The following LEF1 variants were observed in gnomAD, a reference collection of about 807,000 sequenced individuals.
LEF1 encodes the protein lymphoid enhancer-binding factor 1.
LEF1 carries 14 observed loss-of-function variants against 51.2 expected under a neutral mutation model. That is an observed-to-expected ratio of 0.27 (90% confidence interval 0.18 to 0.43). LEF1 has a LOEUF of 0.43. Ranked by LOEUF, LEF1 falls within the 20% of genes least tolerant of loss-of-function variation. The pLI is 1.00. For missense variants in LEF1, 386 were observed against 512.0 expected (o/e 0.75, Z 2.37); for synonymous variants, 185 against 183.2 (o/e 1.01, Z -0.08).
chr4:108,086,711 T>C (rs1377758780), intron 4 of LEF1, among the ~76,000 whole-genome samples: 2 of 152,174 alleles, frequency 1.3e-5, no homozygotes, highest in South Asian at 2.1e-4. Context: ...GGGTAACACA[T>C]AGATAAAAAC....
At chr4:108,145,930 C>T (rs972786707) in intron 3 of LEF1, among the ~76,000 whole-genome samples, 4 of 152,168 alleles carry the variant, frequency 2.6e-5, no homozygotes, top group Non-Finnish European at 5.9e-5. Context: ...GTGATGATGG[C>T]TGCACTAACT....
At chr4:108,080,624 G>T (rs1739220037) in intron 6 of LEF1, among the ~76,000 whole-genome samples, 1 of 152,230 alleles carries the variant, frequency 6.6e-6, no homozygotes, top group African/African-American at 2.4e-5. Context: ...TTGCCTGTGA[G>T]AGTTCTATCA....
intron 9 of LEF1, among the ~76,000 whole-genome samples, chr4:108,064,846 T>A (rs1737964264): frequency 6.6e-6 from 1 of 152,054 alleles, no homozygotes; most frequent in Non-Finnish European, 1.5e-5. Context: ...CTAACCAACA[T>A]ACTTAGAACC....
intron 11 of LEF1, among the ~76,000 whole-genome samples, chr4:108,054,529 T>C (rs1737200462): frequency 6.6e-6 from 1 of 152,218 alleles, no homozygotes; most frequent in South Asian, 2.1e-4. Context: ...AGGCAACACA[T>C]GCAGAAGCAT....
chr4:108,117,774 A>T (rs939390321), intron 3 of LEF1, among the ~76,000 whole-genome samples: 7 of 152,206 alleles, frequency 4.6e-5, no homozygotes, highest in African/African-American at 1.7e-4. Context: ...AGCAATGGGC[A>T]GCTCGCCAGC....
At chr4:108,087,573 C>T (rs537458248) in intron 4 of LEF1, among the ~76,000 whole-genome samples, 2 of 152,168 alleles carry the variant, frequency 1.3e-5, no homozygotes, top group South Asian at 4.2e-4. Flanking sequence ...TTGAACTGTC[C>T]TATTATTCTT....
At chr4:108,052,789 T>C (rs1450771284) in intron 11 of LEF1, among the ~76,000 whole-genome samples, 1 of 152,140 alleles carries the variant, frequency 6.6e-6, no homozygotes, top group East Asian at 1.9e-4. Context: ...GACTTGAAGG[T>C]GGTCTTGTCT....
intron 3 of LEF1, among the ~76,000 whole-genome samples, chr4:108,114,091 T>A (rs1223597641): frequency 6.6e-6 from 1 of 152,194 alleles, no homozygotes; most frequent in Non-Finnish European, 1.5e-5. Context: ...AAGCTATTCT[T>A]TTCATTGCAG....
intron 3 of LEF1, among the ~76,000 whole-genome samples, chr4:108,135,347 C>G (rs564201752): frequency 4.3e-4 from 65 of 152,316 alleles, no homozygotes; most frequent in Non-Finnish European, 8.5e-4. Flanking sequence ...GGGGCCACAA[C>G]AGCAAACGTT....
At chr4:108,108,754 C>T (rs1426324429) in intron 3 of LEF1, among the ~76,000 whole-genome samples, 2 of 152,146 alleles carry the variant, frequency 1.3e-5, no homozygotes, top group African/African-American at 4.8e-5. Context: ...TTAGGATTAG[C>T]AGTTAAATAT....
intron 11 of LEF1, among the ~76,000 whole-genome samples, chr4:108,052,231 G>C (rs1239496059): frequency 6.6e-6 from 1 of 152,158 alleles, no homozygotes; most frequent in Non-Finnish European, 1.5e-5. Context: ...TGGTGTCCAG[G>C]AACAAAATGC....
intron 3 of LEF1, among the ~76,000 whole-genome samples, chr4:108,138,383 A>G (rs1743430069): frequency 6.6e-6 from 1 of 152,196 alleles, no homozygotes; most frequent in South Asian, 2.1e-4. Context: ...CCCATTATAC[A>G]GATAAGGAAA....
At position 108,048,409 on chromosome 4, in the gene LEF1, G is replaced by A. The variant is rs1238798040; in HGVS notation, c.*349C>T. 1 of 286,940 alleles carries A rather than the reference G, an allele frequency of 3.5e-6. No individual in the cohort carries two copies. Among genetic ancestry groups the A allele is most frequent in the East Asian group, 5.8e-5 (1 of 17,298 alleles). 17.8% of individuals were successfully genotyped at this position (286,940 alleles called of 1,614,324 possible). A position where few individuals can be genotyped will look rare whatever the true frequency, so the allele number is the denominator to read the frequency against. On this transcript the variant is annotated 3_prime_UTR_variant, in exon 12 of 12. Coordinates refer to ENST00000265165, the MANE Select transcript of LEF1 (RefSeq NM_016269.5). The stretch of plus-strand genomic sequence containing the variant: ...AAGGTTACAGGTTTGGATGCAAGAT[G>A]CTCTGGGAAGTGCACGCAGATATGA...
At chr4:108,074,926 C>A (rs1176729612) in intron 8 of LEF1, among the ~76,000 whole-genome samples, 1 of 151,980 alleles carries the variant, frequency 6.6e-6, no homozygotes, top group African/African-American at 2.4e-5. Context: ...GGCCAGGGGG[C>A]CCTTAACTCA....
intron 3 of LEF1, among the ~76,000 whole-genome samples, chr4:108,143,542 G>T (rs1471596938): frequency 6.6e-6 from 1 of 152,072 alleles, no homozygotes; most frequent in Non-Finnish European, 1.5e-5. Context: ...CATTTCTTTT[G>T]TGATTCTATC....
chr4:108,138,495 A>ATG (rs1743437364), intron 3 of LEF1, among the ~76,000 whole-genome samples: 1 of 127,972 alleles, frequency 7.8e-6, no homozygotes, highest in Non-Finnish European at 1.7e-5. Context: ...ACAGGTGTGT[A>ATG]TGTGTGTGTA....
intron 11 of LEF1, among the ~76,000 whole-genome samples, chr4:108,062,630 T>C (rs986453509): frequency 5.9e-5 from 9 of 152,118 alleles, no homozygotes; most frequent in South Asian, 4.2e-4. Flanking sequence ...ATCTGAGTTG[T>C]AGGAAATCCC....
At chr4:108,073,947 T>TC (rs1172861445) in intron 8 of LEF1, among the ~76,000 whole-genome samples, 2 of 151,524 alleles carry the variant, frequency 1.3e-5, no homozygotes, top group African/African-American at 4.9e-5. Context: ...TGCCTCAGCC[T>TC]CCCTAGTAGC....
At chr4:108,081,458 T>C (rs954517529) in intron 6 of LEF1, 128 bp downstream of exon 6, 60 of 703,088 alleles carry the variant, frequency 8.5e-5, no homozygotes, top group South Asian at 3.1e-4. Context: ...CCAGGCACAC[T>C]GCACAGACAG....
Sources: gnomAD v4.1 joint callset for allele counts (sites outside exome capture counted in the v4.1 genomes callset) on GRCh38, gnomAD v4.1.1 for gene constraint, MANE v1.5 for transcripts, NCBI Gene and HGNC (gene_info 2026-07-23, HGNC 2026-07-21) for gene names.